Variants in MGAT4C observed in about 807,000 individuals in gnomAD.
MGAT4C encodes MGAT4 family member C, also known as alpha-1,3-mannosyl-glycoprotein 4-beta-N-acetylglucosaminyltransferase C.
In MGAT4C, 19 loss-of-function variants were observed where a neutral mutation model predicts 40.1. The ratio of observed to expected loss-of-function variants is 0.47; its 90% CI spans 0.33 to 0.70. MGAT4C has a LOEUF of 0.70. MGAT4C is among the 30% of genes least tolerant of loss of function. MGAT4C has a pLI of 0.02. For synonymous variants in MGAT4C, 181 were observed against 187.1 expected, an observed-to-expected ratio of 0.97 and a Z score of 0.27; for missense variants, 491 against 563.2, an observed-to-expected ratio of 0.87 and a Z score of 1.30.
chr12:86,640,328 TG>T (rs1963343321), intron 2 of MGAT4C, among the ~76,000 whole-genome samples: 1 of 151,840 alleles, frequency 6.6e-6, no homozygotes, highest in African/African-American at 2.4e-5. Context: ...TGAGTTATTT[TG>T]ATTGAATAAA....
chr12:86,361,252 A>G (rs543024159), intron 3 of MGAT4C, among the ~76,000 whole-genome samples: 42 of 152,354 alleles, frequency 2.8e-4, no homozygotes, highest in African/African-American at 1.0e-3. Context: ...TCCCTATTTA[A>G]TAAATGGTGC....
chr12:86,343,847 CT>C (rs199807590), intron 3 of MGAT4C, among the ~76,000 whole-genome samples: 253 of 151,292 alleles, frequency 1.7e-3, no homozygotes, highest in African/African-American at 5.9e-3. Context: ...AGCAGGAAAG[CT>C]TTTTTTTTCT....
intron 3 of MGAT4C, among the ~76,000 whole-genome samples, chr12:86,427,014 T>C (rs942235845): frequency 3.9e-5 from 6 of 152,104 alleles, no homozygotes; most frequent in Middle Eastern, 3.2e-3. Flanking sequence ...CAGACCCTCT[T>C]ACACCATTGT....
At chr12:86,086,154 T>C (rs1464001016) in intron 1 of MGAT4C, among the ~76,000 whole-genome samples, 1 of 152,124 alleles carries the variant, frequency 6.6e-6, no homozygotes, top group South Asian at 2.1e-4. Flanking sequence ...TGCCCATCAA[T>C]GTTAGACTGC....
At chr12:86,368,023 A>T (rs1566328925) in intron 3 of MGAT4C, among the ~76,000 whole-genome samples, 1 of 152,180 alleles carries the variant, frequency 6.6e-6, no homozygotes, top group Non-Finnish European at 1.5e-5. Context: ...GATAATTATT[A>T]ACTCAAATTA....
At chr12:86,471,110 GT>G (rs1327973216) in intron 2 of MGAT4C, among the ~76,000 whole-genome samples, 1 of 152,034 alleles carries the variant, frequency 6.6e-6, no homozygotes, top group African/African-American at 2.4e-5. Flanking sequence ...TAAAAGAAAT[GT>G]TAAAAGAAGT....
intron 4 of MGAT4C, among the ~76,000 whole-genome samples, chr12:86,309,449 G>A (rs556858839): frequency 6.6e-6 from 1 of 152,312 alleles, no homozygotes; most frequent in African/African-American, 2.4e-5. Flanking sequence ...CCTTCTTGCT[G>A]CATCATAACA....
At chr12:86,081,404 C>T (rs1870812055) in intron 1 of MGAT4C, among the ~76,000 whole-genome samples, 1 of 152,216 alleles carries the variant, frequency 6.6e-6, no homozygotes, top group Middle Eastern at 3.4e-3. Context: ...AAATTAGGGA[C>T]CTCATTTTAA....
chr12:86,131,252 G>T (rs1455759469), intron 1 of MGAT4C, among the ~76,000 whole-genome samples: 1 of 151,978 alleles, frequency 6.6e-6, no homozygotes. Flanking sequence ...AGAATACATG[G>T]ATCTAGAAGC....
intron 2 of MGAT4C, among the ~76,000 whole-genome samples, chr12:86,696,671 A>T (rs1176793205): frequency 6.6e-6 from 1 of 152,198 alleles, no homozygotes; most frequent in Non-Finnish European, 1.5e-5. Context: ...TACTTTCTAT[A>T]TTCCAAAGCT....
intron 4 of MGAT4C, among the ~76,000 whole-genome samples, chr12:86,308,608 T>C (rs1189128877): frequency 1.3e-5 from 2 of 150,688 alleles, no homozygotes; most frequent in South Asian, 2.1e-4. Context: ...CTAATAGTGA[T>C]GGTAATAATT....
chr12:86,248,200 T>A (rs1281771397), intron 1 of MGAT4C, among the ~76,000 whole-genome samples: 1 of 114,948 alleles, frequency 8.7e-6, no homozygotes, highest in Non-Finnish European at 1.9e-5. Context: ...TTTCTCTTCC[T>A]TCCTTCCTTC....
intron 2 of MGAT4C, among the ~76,000 whole-genome samples, chr12:86,679,670 G>A (rs757034806): frequency 6.6e-6 from 1 of 152,030 alleles, no homozygotes; most frequent in Non-Finnish European, 1.5e-5. Flanking sequence ...AGATCTCAGA[G>A]AGCTATCTAG....
intron 3 of MGAT4C, among the ~76,000 whole-genome samples, chr12:86,423,780 T>C (rs78297997): frequency 0.039 from 5,928 of 152,304 alleles, 184 homozygotes; most frequent in Non-Finnish European, 0.065. Context: ...TAATGAACTA[T>C]TAGCGTGATT....
chr12:86,720,790 T>A (rs935472766), intron 2 of MGAT4C, among the ~76,000 whole-genome samples: 1 of 152,166 alleles, frequency 6.6e-6, no homozygotes, highest in African/African-American at 2.4e-5. Context: ...AAATTTGGAT[T>A]TAGTCATTAT....
intron 1 of MGAT4C, among the ~76,000 whole-genome samples, chr12:86,159,503 T>C (rs926261231): frequency 3.9e-5 from 6 of 152,024 alleles, no homozygotes; most frequent in African/African-American, 1.4e-4. Context: ...ATTGTGTCTC[T>C]GCCAGATTTT....
At chr12:86,640,965 A>G (rs1261521783) in intron 2 of MGAT4C, among the ~76,000 whole-genome samples, 1 of 151,944 alleles carries the variant, frequency 6.6e-6, no homozygotes, top group Non-Finnish European at 1.5e-5. Context: ...GTGATCTGAG[A>G]GACAGTTTGT....
At chr12:86,612,622 T>C (rs1344119642) in intron 2 of MGAT4C, among the ~76,000 whole-genome samples, 2 of 150,494 alleles carry the variant, frequency 1.3e-5, no homozygotes, top group Admixed American at 6.7e-5. Flanking sequence ...GCATCTGTAG[T>C]ACCAGCTCTC....
chr12:86,388,141 T>G (rs988967870), intron 3 of MGAT4C, among the ~76,000 whole-genome samples: 12 of 152,112 alleles, frequency 7.9e-5, no homozygotes, highest in African/African-American at 2.9e-4. Context: ...AAGACTATAA[T>G]GATAATATAT....
Sources: allele counts gnomAD v4.1 joint callset (sites outside exome capture counted in the v4.1 genomes callset), GRCh38; gene constraint gnomAD v4.1.1; transcripts MANE v1.5; gene names NCBI Gene and HGNC (gene_info 2026-07-23, HGNC 2026-07-21).